The following IL19 variants were observed in gnomAD, a reference collection of about 807,000 sequenced individuals.
IL19 encodes interleukin 19.
A neutral mutation model predicts 19.5 loss-of-function variants in IL19; 15 were observed. The observed-to-expected ratio is 0.77, with a 90% CI of 0.52 to 1.19. The LOEUF is 1.19. Ranked by LOEUF, IL19 falls within the 50% of genes most tolerant of loss-of-function variation. The probability of loss-of-function intolerance (pLI) is 0.00; values close to 1 mark genes in which losing one functional copy is unlikely to be tolerated. For synonymous variants in IL19, 78 were observed against 78.3 expected (o/e 1.00, Z 0.02); for missense variants, 199 against 213.1 (o/e 0.93, Z 0.41).
intron 1 of IL19, chr1:206,772,201 T>C: frequency 2.2e-6 from 3 of 1,393,188 alleles, no homozygotes; most frequent in Admixed American, 1.7e-5. Context: ...AGGGTTCTTA[T>C]AGTTCCAGGA....
chr1:206,830,425 C>T (rs1477409835), intron 2 of IL19, among the ~76,000 whole-genome samples: 1 of 150,694 alleles, frequency 6.6e-6, no homozygotes, highest in Non-Finnish European at 1.5e-5. Context: ...TTTTTCTCAC[C>T]TTTTTTTTTG....
intron 1 of IL19, among the ~76,000 whole-genome samples, chr1:206,795,505 C>T (rs1675501567): frequency 1.3e-5 from 2 of 152,200 alleles, no homozygotes; most frequent in African/African-American, 4.8e-5. Context: ...CATCTGTTTT[C>T]TACTCAACCC....
intron 1 of IL19, chr1:206,772,462 G>T (rs1384139636): frequency 6.2e-7 from 1 of 1,612,808 alleles, no homozygotes; most frequent in East Asian, 2.2e-5. Context: ...CTGTCTTGTG[G>T]TTTGGTTTTG....
At chr1:206,781,270 C>A (rs960538979) in intron 1 of IL19, among the ~76,000 whole-genome samples, 2 of 151,568 alleles carry the variant, frequency 1.3e-5, no homozygotes, top group African/African-American at 4.9e-5. Context: ...ATGGTGAAAC[C>A]CTGTCTCTAC....
intron 1 of IL19, among the ~76,000 whole-genome samples, chr1:206,777,457 C>A (rs1043116675): frequency 6.6e-6 from 1 of 151,254 alleles, no homozygotes; most frequent in Non-Finnish European, 1.5e-5. Flanking sequence ...TCATGCTAAG[C>A]AAAATGGCAG....
chr1:206,817,396 C>A (rs1190494576), intron 2 of IL19, among the ~76,000 whole-genome samples: 3 of 152,196 alleles, frequency 2.0e-5, no homozygotes, highest in Non-Finnish European at 4.4e-5. Flanking sequence ...TGTGAGTCAA[C>A]TTGCAATATA....
At chr1:206,804,869 T>C (rs1450871802) in intron 2 of IL19, among the ~76,000 whole-genome samples, 2 of 152,250 alleles carry the variant, frequency 1.3e-5, no homozygotes, top group Non-Finnish European at 2.9e-5. Context: ...ATAGAATGGG[T>C]GCTAACTGCA....
Position 206,841,044 on chromosome 1 carries a change from A to G in IL19, c.404A>G (p.Asn135Ser). ...TGTCACTGCAGGCAGGAAGCCACCAATGCCACCAGAGTCATCCATGACAAC... is the reference window on the plus strand; with the variant it reads ...TGTCACTGCAGGCAGGAAGCCACCAGTGCCACCAGAGTCATCCATGACAAC... Reference protein sequence around the residue: ...RQCHCRQEATNATRVIHDNYD... With the variant: ...RQCHCRQEATSATRVIHDNYD... Residue 135 changes from asparagine (N) to serine (S), a missense_variant, in exon 6 of 7, where the codon AAT becomes AGT. Transcript: ENST00000659997. 6.2e-7 allele frequency: 1 copy of G among 1,614,160 alleles called. No individual in the cohort carries two copies. Among genetic ancestry groups the G allele is most frequent in the South Asian group, 1.1e-5 (1 of 91,084 alleles).
intron 2 of IL19, among the ~76,000 whole-genome samples, chr1:206,824,894 A>G (rs1270051861): frequency 1.3e-5 from 2 of 152,116 alleles, no homozygotes; most frequent in African/African-American, 4.8e-5. Flanking sequence ...TCCTGGGATT[A>G]CAGGCGCCCA....
In IL19 at chr1:206,827,551, G is replaced by T. The variant is rs568602062; in HGVS notation, c.-2-9110G>T. Among the ~76,000 whole-genome samples the T allele has an allele frequency of 3.9e-5, 6 of 152,128 alleles. No homozygotes were observed. The East Asian group carries it at 1.2e-3, about 29-fold the overall frequency. On this transcript the variant is annotated intron_variant, in intron 2 of 6. Coordinates refer to ENST00000659997, the MANE Select transcript of IL19 (RefSeq NM_153758.5). ...TAAAAATACAAAAAATTAGCCAGGC[G>T]AGGTGGTGGGCGCCTGTAGTCCCAG...
intron 1 of IL19, among the ~76,000 whole-genome samples, chr1:206,797,437 G>A (rs1164765376): frequency 2.6e-5 from 4 of 152,022 alleles, no homozygotes; most frequent in Non-Finnish European, 5.9e-5. Flanking sequence ...CCCCACCTCC[G>A]AGAGTTCAGG....
intron 2 of IL19, among the ~76,000 whole-genome samples, chr1:206,836,396 G>C: frequency 6.6e-6 from 1 of 151,824 alleles, no homozygotes; most frequent in African/African-American, 2.4e-5. Flanking sequence ...ATGCTTCCTG[G>C]GACTTAAGAG....
chr1:206,780,863 G>A (rs1307360944), intron 1 of IL19, among the ~76,000 whole-genome samples: 1 of 152,174 alleles, frequency 6.6e-6, no homozygotes, highest in Non-Finnish European at 1.5e-5. Context: ...GTGAGGTTGT[G>A]GTGGTAAGAA....
At chr1:206,788,650 T>TCCCTCATTGC (rs543828611) in intron 1 of IL19, among the ~76,000 whole-genome samples, 1 of 152,146 alleles carries the variant, frequency 6.6e-6, no homozygotes, top group Non-Finnish European at 1.5e-5. Context: ...CTCATCCCCT[T>TCCCTCATTGC]CCCTCATTGC....
rs570383430 is a variant in IL19, at chr1:206,832,382, C to T, written c.-2-4279C>T. 9.8e-5 allele frequency among the ~76,000 whole-genome samples: 15 copies of T among 152,294 alleles called. No individual in the cohort carries two copies. The East Asian group carries it at 2.9e-3, about 29-fold the overall frequency. ...TTTTCCAGTGTCTATAGACCTAATG[C>T]ATTTCATCCAGACTCTGCAATAGGG... On this transcript the variant is annotated intron_variant, in intron 2 of 6. Coordinates refer to ENST00000659997, the MANE Select transcript of IL19 (RefSeq NM_153758.5).
intron 2 of IL19, among the ~76,000 whole-genome samples, chr1:206,802,989 T>C (rs1276312012): frequency 6.6e-6 from 1 of 152,186 alleles, no homozygotes; most frequent in African/African-American, 2.4e-5. Flanking sequence ...GGGACGTCAT[T>C]TCCTTTTCCA....
intron 1 of IL19, among the ~76,000 whole-genome samples, chr1:206,796,668 C>T (rs4845138): frequency 0.45 from 68,594 of 152,012 alleles, 15,981 homozygotes; most frequent in East Asian, 0.7. Flanking sequence ...CAGCATCATG[C>T]TGTACAGGTT....
At chr1:206,834,139 A>C in intron 2 of IL19, 3 of 985,576 alleles carry the variant, frequency 3.0e-6, no homozygotes, top group Non-Finnish European at 3.6e-6. Flanking sequence ...TTTTTCCTAG[A>C]AGCTGCATGT....
At chr1:206,841,814 C>T (rs750256711) in intron 6 of IL19, among the ~76,000 whole-genome samples, 12 of 152,186 alleles carry the variant, frequency 7.9e-5, no homozygotes, top group Non-Finnish European at 1.6e-4. Flanking sequence ...AACACACATT[C>T]GTCCTTCCCA....
Sources: allele counts gnomAD v4.1 joint callset (sites outside exome capture counted in the v4.1 genomes callset), GRCh38; gene constraint gnomAD v4.1.1; transcripts MANE v1.5; gene names NCBI Gene and HGNC (gene_info 2026-07-23, HGNC 2026-07-21).